Variants in PALM2AKAP2 observed in about 807,000 individuals in gnomAD.
PALM2AKAP2 encodes PALM2-AKAP2 fusion protein.
A neutral mutation model predicts 71.5 loss-of-function variants in PALM2AKAP2; 37 were observed. The observed-to-expected ratio is 0.52, with a 90% confidence interval of 0.40 to 0.68. The LOEUF is 0.68. Among genes scored for constraint, PALM2AKAP2 ranks in the 30% least tolerant of loss-of-function variants. PALM2AKAP2 has a pLI of 0.00. For synonymous variants in PALM2AKAP2, 468 were observed against 478.8 expected, an observed-to-expected ratio of 0.98 and a Z score of 0.29; for missense variants, 1,224 against 1,191.8, an observed-to-expected ratio of 1.03 and a Z score of -0.40.
In PALM2AKAP2 at chr9:109,906,593, A is replaced by T. The variant is rs180933332; in HGVS notation, c.258-17142A>T. Among the ~76,000 whole-genome samples, 502 of 152,310 alleles carry T rather than the reference A, an allele frequency of 3.3e-3. 3 individuals carry two copies. The highest frequency in any genetic ancestry group is 4.9e-3 in the Non-Finnish European group (332 of 68,028). On this transcript the variant is annotated intron_variant, in intron 3 of 9. Transcript: ENST00000302798. ...GTTAGCTTAGGAAGTTGTCAACATC[A>T]TTATACTATAAAAATCAATAAATGG... is the stretch of plus-strand genomic sequence containing the variant.
intron 1 of PALM2AKAP2, among the ~76,000 whole-genome samples, chr9:109,812,198 A>G (rs2131446583): frequency 6.6e-6 from 1 of 152,308 alleles, no homozygotes; most frequent in South Asian, 2.1e-4. Context: ...GGAGTTGGGG[A>G]CATCTTGCCA....
At chr9:110,102,399 C>T (rs903750341) in intron 1 of PALM2AKAP2, among the ~76,000 whole-genome samples, 1 of 152,140 alleles carries the variant, frequency 6.6e-6, no homozygotes, top group Non-Finnish European at 1.5e-5. Context: ...CTTTATCAAG[C>T]AGAGAATATA....
chr9:109,836,262 C>A (rs1828473279), intron 1 of PALM2AKAP2, among the ~76,000 whole-genome samples: 1 of 152,220 alleles, frequency 6.6e-6, no homozygotes, highest in African/African-American at 2.4e-5. Context: ...GATACCCAGG[C>A]AAACAGGGTC....
At chr9:109,989,587 C>T (rs973128116) in intron 6 of PALM2AKAP2, among the ~76,000 whole-genome samples, 10 of 152,358 alleles carry the variant, frequency 6.6e-5, no homozygotes, top group Non-Finnish European at 1.2e-4. Flanking sequence ...ATATTTGTTA[C>T]TCCAAATAGG....
intron 1 of PALM2AKAP2, among the ~76,000 whole-genome samples, chr9:109,712,066 C>T (rs945664815): frequency 2.4e-4 from 36 of 151,836 alleles, no homozygotes; most frequent in African/African-American, 8.7e-4. Flanking sequence ...CTCTAAAGAG[C>T]TTGGCTGTGC....
chr9:109,764,705 G>A (rs978307761), intron 1 of PALM2AKAP2, among the ~76,000 whole-genome samples: 6 of 152,334 alleles, frequency 3.9e-5, no homozygotes, highest in Admixed American at 3.3e-4. Flanking sequence ...AATGATGAAT[G>A]ACTGGTGGAT....
intron 1 of PALM2AKAP2, among the ~76,000 whole-genome samples, chr9:109,735,000 A>G (rs1192507611): frequency 6.6e-6 from 1 of 151,946 alleles, no homozygotes; most frequent in Non-Finnish European, 1.5e-5. Context: ...AATTTCCAGT[A>G]TGAGACTCTC....
intron 1 of PALM2AKAP2, among the ~76,000 whole-genome samples, chr9:109,819,332 G>A (rs1827930041): frequency 6.6e-6 from 1 of 152,210 alleles, no homozygotes; most frequent in South Asian, 2.1e-4. Context: ...TAATCCAGAT[G>A]AGAAATGAAG....
At chr9:110,024,945 AAGTGTGCTTCTCTGGGTGGAGC>A in intron 7 of PALM2AKAP2, 2 of 1,393,234 alleles carry the variant, frequency 1.4e-6, no homozygotes, top group Non-Finnish European at 2.0e-6. Context: ...GGTTCTCACA[AAGTGTGCTTCTCTGGGTGGAGC>A]AGGCTGGCAC....
chr9:110,156,392 T>C, exon 3 of PALM2AKAP2: 1 of 1,612,870 alleles, frequency 6.2e-7, no homozygotes, highest in East Asian at 2.2e-5. Context: ...ACTTAGCCCC[T>C]GAAGAGGCTG....
intron 1 of PALM2AKAP2, among the ~76,000 whole-genome samples, chr9:109,833,791 CT>C: frequency 6.6e-6 from 1 of 152,224 alleles, no homozygotes; most frequent in East Asian, 1.9e-4. Flanking sequence ...CTGAATACCC[CT>C]GACCTCTGGG....
chr9:109,708,810 C>T (rs989248383), intron 1 of PALM2AKAP2, among the ~76,000 whole-genome samples: 1 of 152,200 alleles, frequency 6.6e-6, no homozygotes, highest in Non-Finnish European at 1.5e-5. Flanking sequence ...CACTGGAAAT[C>T]CTCCAGGGAT....
intron 1 of PALM2AKAP2, among the ~76,000 whole-genome samples, chr9:109,659,417 A>T (rs1403405973): frequency 1.7e-5 from 2 of 115,712 alleles, no homozygotes; most frequent in Admixed American, 2.0e-4. Flanking sequence ...ACCCCCTCCC[A>T]ATACCCTATC....
intron 3 of PALM2AKAP2, among the ~76,000 whole-genome samples, chr9:110,167,673 T>C (rs1836771542): frequency 6.6e-6 from 1 of 152,222 alleles, no homozygotes; most frequent in South Asian, 2.1e-4. Context: ...ATTGCTTCTA[T>C]TGATCCAAGA....
rs749017298 is a variant in PALM2AKAP2, at chr9:110,048,814, G to A, written c.115G>A (p.Ala39Thr). The change falls in exon 1 of 4, where the codon GCA becomes ACA. Residue 39 changes from alanine (A) to threonine (T), a missense_variant. Coordinates refer to ENST00000374525, the Ensembl canonical transcript of PALM2AKAP2. The stretch of plus-strand genomic sequence containing the variant: ...AGCGGCCGCGCGGCGCTGGACTGGA[G>A]CAGAACCCCAGGACTGCGCCCCCGG... The A allele has an allele frequency of 3.3e-6, 5 of 1,533,462 alleles. No individual in the cohort carries two copies. The South Asian group carries it at 6.0e-5, about 18-fold the overall frequency. The allele number at this position is 1,533,462 out of a possible 1,614,324, so 95.0% of individuals were successfully genotyped here. A position where few individuals can be genotyped will look rare whatever the true frequency, so the allele number is the denominator to read the frequency against.
intron 1 of PALM2AKAP2, among the ~76,000 whole-genome samples, chr9:109,743,283 A>G (rs1198267981): frequency 6.6e-6 from 1 of 152,200 alleles, no homozygotes; most frequent in Non-Finnish European, 1.5e-5. Flanking sequence ...TTTATGGCAG[A>G]AGTATTCTAC....
intron 1 of PALM2AKAP2, among the ~76,000 whole-genome samples, chr9:110,132,759 A>C (rs1205212137): frequency 2.0e-5 from 3 of 151,072 alleles, no homozygotes; most frequent in Non-Finnish European, 2.9e-5. Context: ...GTGTACACCA[A>C]CCACCATGCC....
chr9:109,760,609 C>T (rs2118733529), intron 1 of PALM2AKAP2: 1 of 152,306 alleles, frequency 6.6e-6, no homozygotes, highest in South Asian at 2.1e-4. Context: ...CAGGCTTCCT[C>T]TTCCCCAAAT....
chr9:109,906,730 A>G (rs1034489239), intron 3 of PALM2AKAP2, among the ~76,000 whole-genome samples: 4 of 152,194 alleles, frequency 2.6e-5, no homozygotes, highest in Non-Finnish European at 5.9e-5. Context: ...TCATACATCC[A>G]AATCCGTTCT....
Sources: gnomAD v4.1 joint callset for allele counts (sites outside exome capture counted in the v4.1 genomes callset) on GRCh38, gnomAD v4.1.1 for gene constraint, MANE v1.5 for transcripts, NCBI Gene and HGNC (gene_info 2026-07-23, HGNC 2026-07-21) for gene names.